SYNE1: variants seen among roughly 807,000 people sequenced by gnomAD.
The protein encoded by SYNE1 is spectrin repeat containing nuclear envelope protein 1.
Under a neutral mutation model 1,111.0 loss-of-function variants are expected in SYNE1, and 616 were observed. The observed-to-expected ratio is 0.55, with a 90% CI of 0.52 to 0.59. SYNE1 has a LOEUF of 0.59. Ranked by LOEUF, SYNE1 falls within the 20% of genes least tolerant of loss-of-function variation. The pLI is 0.00. For missense variants in SYNE1, 10,006 were observed against 10,417.0 expected (o/e 0.96, Z 1.72); for synonymous variants, 3,855 against 3,825.8 (o/e 1.01, Z -0.28).
intron 49 of SYNE1, among the ~76,000 whole-genome samples, chr6:152,397,208 C>T (rs2097747693): frequency 6.6e-6 from 1 of 152,160 alleles, no homozygotes; most frequent in Non-Finnish European, 1.5e-5. Flanking sequence ...GAGCTGGAAC[C>T]GAGGACGTTC....
chr6:152,297,660 G>T (rs2094944025), intron 93 of SYNE1, among the ~76,000 whole-genome samples: 1 of 152,046 alleles, frequency 6.6e-6, no homozygotes, highest in African/African-American at 2.4e-5. Flanking sequence ...GGAAAAGCAG[G>T]AATGCCTTTA....
chr6:152,378,175 T>C (rs1353202529), intron 56 of SYNE1, among the ~76,000 whole-genome samples: 2 of 152,106 alleles, frequency 1.3e-5, no homozygotes, highest in Admixed American at 1.3e-4. Flanking sequence ...CTCCCAAATA[T>C]GTAAACACTG....
At chr6:152,372,860 C>T (rs575574861) in intron 59 of SYNE1, among the ~76,000 whole-genome samples, 177 bp downstream of exon 59, 102 of 152,212 alleles carry the variant, frequency 6.7e-4, no homozygotes, top group Non-Finnish European at 1.3e-3. Flanking sequence ...TTCAGGGAGG[C>T]TCCCACTTCT....
chr6:152,425,968 A>G (rs1264665077), intron 38 of SYNE1, among the ~76,000 whole-genome samples: 1 of 152,220 alleles, frequency 6.6e-6, no homozygotes, highest in Non-Finnish European at 1.5e-5. Flanking sequence ...AGCTAACAAT[A>G]AGAGAGATGC....
intron 14 of SYNE1, among the ~76,000 whole-genome samples, chr6:152,474,804 T>C (rs773253443): frequency 6.6e-6 from 1 of 152,132 alleles, no homozygotes; most frequent in Non-Finnish European, 1.5e-5. Context: ...AGGGCAATCA[T>C]ACTGTACAAC....
intron 5 of SYNE1, among the ~76,000 whole-genome samples, chr6:152,521,715 A>G (rs1355887064): frequency 1.3e-5 from 2 of 152,198 alleles, no homozygotes; most frequent in East Asian, 3.9e-4. Context: ...GGTTGTTTGC[A>G]CCCATATTGT....
Position 152,189,405 on chromosome 6 carries a change from T to C in SYNE1, c.23148A>G (p.Glu7716=), listed in dbSNP as rs768057206. Residue 7716 remains glutamate (E), a splice_region_variant and synonymous_variant, in exon 128 of 146, where the codon GAA becomes GAG. Coordinates refer to ENST00000367255, the MANE Select transcript of SYNE1 (RefSeq NM_182961.4). ...TCCAGCTCCCAACTGCATTTTCTAA[T>C]TCCTAAATAAAAAAACAAACTTGAA... is the stretch of plus-strand genomic sequence containing the variant. ...ELHAEQMRCK[E]LENAVGSWTD... The C allele has an allele frequency of 3.1e-6, 5 of 1,613,990 alleles. No homozygotes were observed. The highest frequency in any genetic ancestry group is 3.3e-5 in the Admixed American group (2 of 60,014).
intron 101 of SYNE1, among the ~76,000 whole-genome samples, chr6:152,258,498 C>A (rs934462015): frequency 6.6e-6 from 1 of 152,076 alleles, no homozygotes; most frequent in African/African-American, 2.4e-5. Context: ...TATTAGCAAT[C>A]ATAAAGAAAT....
chr6:152,390,570 A>C (rs2097595511), intron 52 of SYNE1, 118 bp from the exon 53 acceptor site: 3 of 1,039,880 alleles, frequency 2.9e-6, no homozygotes. Context: ...TTAAAATGAA[A>C]ACAACAAACT....
At chr6:152,459,022 G>T in intron 21 of SYNE1, 92 bp from the exon 22 acceptor site, 1 of 1,089,778 alleles carries the variant, frequency 9.2e-7, no homozygotes, top group Non-Finnish European at 1.4e-6. Context: ...ATTTTCTTTA[G>T]TGACATGATC....
Position 152,628,154 on chromosome 6 carries a change from C to T in SYNE1, c.67+111G>A, listed in dbSNP as rs2099689989. The T allele has an allele frequency of 2.6e-6, 3 of 1,154,254 alleles. 1 individual carries two copies. The South Asian group carries it at 3.7e-5, about 14-fold the overall frequency. 71.5% of individuals were successfully genotyped at this position (1,154,254 alleles called of 1,614,324 possible). On this transcript the variant is annotated intron_variant, in intron 3 of 145. Coordinates refer to ENST00000367255, the MANE Select transcript of SYNE1 (RefSeq NM_182961.4). Reference sequence around the variant, plus strand: ...AACACTGGAATAAAGACATCCATCCCATTCTGGGCTATAATTCCATGAAAT... The same window carrying T: ...AACACTGGAATAAAGACATCCATCCTATTCTGGGCTATAATTCCATGAAAT...
rs200572054 is a variant in SYNE1, at chr6:152,318,065, G to A, written c.16572+16C>T. ...TCTGCCTTACACGATTTGGATTTCT[G>A]GCCCGGAACACATACCTGATTGAGC... On this transcript the variant is annotated intron_variant, in intron 86 of 145. Coordinates refer to ENST00000367255, the MANE Select transcript of SYNE1 (RefSeq NM_182961.4). 1 of 1,614,110 alleles carries A rather than the reference G, an allele frequency of 6.2e-7. No homozygotes were observed. The highest frequency in any genetic ancestry group is 1.3e-5 in the African/African-American group (1 of 75,032).
chr6:152,441,334 T>C, intron 31 of SYNE1, 64 bp from the exon 32 acceptor site: 1 of 1,531,476 alleles, frequency 6.5e-7, no homozygotes, highest in Non-Finnish European at 8.9e-7. Context: ...CATATTTTCA[T>C]TCGTTTGCAA....
At chr6:152,411,875 T>A (rs2098058240) in intron 42 of SYNE1, among the ~76,000 whole-genome samples, 1 of 152,178 alleles carries the variant, frequency 6.6e-6, no homozygotes, top group Admixed American at 6.5e-5. Flanking sequence ...TGCAAAATGG[T>A]GCAACTACTT....
intron 41 of SYNE1, among the ~76,000 whole-genome samples, chr6:152,414,926 T>G (rs1006775606): frequency 1.3e-5 from 2 of 152,154 alleles, no homozygotes; most frequent in Non-Finnish European, 2.9e-5. Context: ...AATCAGATAA[T>G]TTATTGCCTA....
Position 152,242,309 on chromosome 6 carries a change from C to T in SYNE1, c.19824G>A (p.Lys6608=). 6.2e-7 allele frequency: 1 copy of T among 1,614,112 alleles called. No individual in the cohort carries two copies. Among genetic ancestry groups the T allele is most frequent in the South Asian group, 1.1e-5 (1 of 91,080 alleles). ...CGATGATTTTCTGGTCTCCTGCCAT[C>T]TTCTCCTGACCAGTTTCTAGCAGGT... ...LADLLETGQE[K]MAGDQKIIVS... Residue 6608 remains lysine, a synonymous_variant, in exon 107 of 146, where the codon AAG becomes AAA. Coordinates refer to ENST00000367255, the MANE Select transcript of SYNE1 (RefSeq NM_182961.4).
At chr6:152,511,709 T>C (rs183151651) in intron 6 of SYNE1, 3 of 1,015,898 alleles carry the variant, frequency 3.0e-6, no homozygotes, top group South Asian at 2.8e-5. Flanking sequence ...CTGACTGTGG[T>C]AATACGTTTT....
intron 3 of SYNE1, among the ~76,000 whole-genome samples, chr6:152,597,725 A>G (rs1235745729): frequency 6.6e-6 from 1 of 152,184 alleles, no homozygotes; most frequent in Non-Finnish European, 1.5e-5. Flanking sequence ...CTTTTGTTGT[A>G]GCTATTATGA....
chr6:152,626,443 A>G (rs1221541806), intron 3 of SYNE1, among the ~76,000 whole-genome samples: 1 of 152,128 alleles, frequency 6.6e-6, no homozygotes, highest in African/African-American at 2.4e-5. Context: ...TCAACAATTT[A>G]CCCTCAGACA....
Sources: gnomAD v4.1 joint callset for allele counts (sites outside exome capture counted in the v4.1 genomes callset) on GRCh38, gnomAD v4.1.1 for gene constraint, MANE v1.5 for transcripts, NCBI Gene and HGNC (gene_info 2026-07-23, HGNC 2026-07-21) for gene names.